Variants in ATL2 observed in about 807,000 individuals in gnomAD.
ATL2 encodes the protein atlastin-2.
In ATL2, 31 loss-of-function variants were observed where a neutral mutation model predicts 73.9. That is an observed-to-expected ratio of 0.42 (90% CI 0.32 to 0.57). The LOEUF (loss-of-function observed/expected upper bound fraction) is 0.57. Ranked by LOEUF, ATL2 falls within the 20% of genes least tolerant of loss-of-function variation. The probability of loss-of-function intolerance (pLI) is 0.14; values close to 1 mark genes in which losing one functional copy is unlikely to be tolerated. For missense variants in ATL2, 738 were observed against 702.6 expected (o/e 1.05, Z -0.57); for synonymous variants, 291 against 237.5 (o/e 1.23, Z -2.07).
intron 2 of ATL2, among the ~76,000 whole-genome samples, chr2:38,323,800 T>A (rs145559691): frequency 6.6e-6 from 1 of 152,226 alleles, no homozygotes; most frequent in African/African-American, 2.4e-5. Flanking sequence ...GTCCTCGACA[T>A]CCTGGGCTCA....
chr2:38,350,439 G>A (rs1204828174), intron 1 of ATL2, among the ~76,000 whole-genome samples: 1 of 152,196 alleles, frequency 6.6e-6, no homozygotes, highest in Non-Finnish European at 1.5e-5. Context: ...ATTGCCAGGG[G>A]TTAGGGGGAT....
chr2:38,355,884 C>A (rs1417267054), intron 1 of ATL2, among the ~76,000 whole-genome samples: 1 of 151,526 alleles, frequency 6.6e-6, no homozygotes, highest in Non-Finnish European at 1.5e-5. Context: ...TTAGTAGAGA[C>A]AGGTTTCACC....
intron 9 of ATL2, among the ~76,000 whole-genome samples, chr2:38,306,276 C>A (rs1402011714): frequency 6.6e-6 from 1 of 152,062 alleles, no homozygotes; most frequent in Non-Finnish European, 1.5e-5. Context: ...AAGAAAAGCC[C>A]GAAAGCTAAT....
intron 2 of ATL2, among the ~76,000 whole-genome samples, chr2:38,333,502 G>C (rs892956371): frequency 6.6e-6 from 1 of 152,150 alleles, no homozygotes; most frequent in African/African-American, 2.4e-5. Flanking sequence ...GTGTTTATGA[G>C]TAACAGTTTG....
At position 38,324,663 on chromosome 2, in the gene ATL2, A is replaced by G. The variant is rs142106350; in HGVS notation, c.364-5644T>C. ...GACTGACCCAAGTCATGAGCCCAGA[A>G]AAAGGACAACTCTAACTACTTAGGT... is the stretch of plus-strand genomic sequence containing the variant. On this transcript the variant is annotated intron_variant, in intron 2 of 12. Transcript: ENST00000378954. Among the ~76,000 whole-genome samples, 1,522 of 152,346 alleles carry G rather than the reference A, an allele frequency of 1.0e-2. 29 individuals carry two copies. Among genetic ancestry groups the G allele is most frequent in the African/African-American group, 0.033 (1,363 of 41,578 alleles).
At chr2:38,357,109 C>T (rs899032543) in intron 1 of ATL2, among the ~76,000 whole-genome samples, 2 of 152,104 alleles carry the variant, frequency 1.3e-5, no homozygotes, top group East Asian at 3.9e-4. Context: ...GCAGGTGGAT[C>T]ATGAGGTCAG....
Position 38,309,402 on chromosome 2 carries a change from T to G in ATL2, c.1048A>C (p.Arg350=), listed in dbSNP as rs1186035026. 6.2e-7 allele frequency: 1 copy of G among 1,610,856 alleles called. No homozygotes were observed. The highest frequency in any genetic ancestry group is 1.3e-5 in the African/African-American group (1 of 74,878). ...KEISGSKVTC[R]DLVEYFKAYI... is the part of the protein sequence containing the mutation. ...ACCTTAAAATATTCTACAAGATCTC[T>G]ACAAGTGACTTTAGATCCACTTATC... Residue 350 remains arginine (R), a synonymous_variant, in exon 9 of 13, where the codon AGA becomes CGA. Coordinates refer to ENST00000378954, the MANE Select transcript of ATL2 (RefSeq NM_001135673.4).
chr2:38,294,038 C>A lies in ATL2; in HGVS notation c.*1956G>T, dbSNP rs1666749418. ...ATTTTTTCATTCATAAAAAACAGTC[C>A]ACAGCATTCATAAAACAGGGTGGCA... is the stretch of plus-strand genomic sequence containing the variant. On this transcript the variant is annotated 3_prime_UTR_variant, in exon 13 of 13. Coordinates refer to ENST00000378954, the MANE Select transcript of ATL2 (RefSeq NM_001135673.4). Among the ~76,000 whole-genome samples the A allele has an allele frequency of 6.6e-6, 1 of 152,110 alleles. No homozygotes were observed. The highest frequency in any genetic ancestry group is 6.5e-5 in the Admixed American group (1 of 15,272).
chr2:38,367,043 G>A (rs368048309), intron 1 of ATL2, among the ~76,000 whole-genome samples: 1 of 151,606 alleles, frequency 6.6e-6, no homozygotes. Flanking sequence ...TCACTATGTC[G>A]CCCAGGCTCA....
chr2:38,349,931 T>C (rs1380698706), intron 1 of ATL2, among the ~76,000 whole-genome samples: 1 of 152,226 alleles, frequency 6.6e-6, no homozygotes, highest in Non-Finnish European at 1.5e-5. Flanking sequence ...CACCTGCATC[T>C]ATCTACTTAC....
At chr2:38,343,212 A>G in intron 2 of ATL2, 56 bp downstream of exon 2, 1 of 1,020,316 alleles carries the variant, frequency 9.8e-7, no homozygotes, top group Non-Finnish European at 1.4e-6. Flanking sequence ...TTTTTTTAAC[A>G]GGCATGGTTG....
Position 38,377,217 on chromosome 2 carries a change from T to G in ATL2, c.44A>C (p.Gln15Pro). The part of the protein sequence containing the change: ...DEAARGQQPH[Q>P]GLWRRRRTSD... ...GGTCCGTCGCCGGCGCCACAGCCCC[T>G]GGTGCGGTTGCTGCCCTCGCGCTGC... The change falls in exon 1 of 13, where the codon CAG (glutamine) becomes CCG (proline). Residue 15 changes from glutamine (Q) to proline (P), a missense_variant. By Grantham distance (76) the Gln-to-Pro change is moderately conservative (BLOSUM62 -1). Transcript: ENST00000378954. 6.2e-7 allele frequency: 1 copy of G among 1,607,534 alleles called. No homozygotes were observed. The highest frequency in any genetic ancestry group is 8.5e-7 in the Non-Finnish European group (1 of 1,177,844).
chr2:38,363,627 T>C (rs775755616), intron 1 of ATL2, among the ~76,000 whole-genome samples: 1 of 152,178 alleles, frequency 6.6e-6, no homozygotes, highest in Non-Finnish European at 1.5e-5. Context: ...TATAAGTAAA[T>C]GTGTAACTCA....
Position 38,316,824 on chromosome 2 carries a change from T to A in ATL2, c.604-1490A>T, listed in dbSNP as rs143005304. Among the ~76,000 whole-genome samples the A allele has an allele frequency of 1.9e-4, 29 of 152,146 alleles. No individual in the cohort carries two copies. The East Asian group carries it at 4.1e-3, about 21-fold the overall frequency. On this transcript the variant is annotated intron_variant, in intron 4 of 12. Coordinates refer to ENST00000378954, the MANE Select transcript of ATL2 (RefSeq NM_001135673.4). ...AAATAAACAAAAAAAGACTAAGGGA[T>A]AAGTTTTAGGACAGAGAACTCGAGA...
intron 2 of ATL2, among the ~76,000 whole-genome samples, chr2:38,329,894 C>T (rs1668882754): frequency 6.6e-6 from 1 of 151,964 alleles, no homozygotes; most frequent in Admixed American, 6.6e-5. Context: ...TTTGGGAGGC[C>T]AAGTCGGGCA....
chr2:38,322,189 T>TC (rs1000990338), intron 2 of ATL2, among the ~76,000 whole-genome samples: 1 of 142,134 alleles, frequency 7.0e-6, no homozygotes, highest in Non-Finnish European at 1.5e-5. Context: ...CCCCACAATG[T>TC]CAAAAAAAAA....
chr2:38,353,610 G>T (rs1392320383), intron 1 of ATL2, among the ~76,000 whole-genome samples: 2 of 152,062 alleles, frequency 1.3e-5, no homozygotes, highest in African/African-American at 4.8e-5. Context: ...CTCCAGTACG[G>T]TAATACAAAG....
At chr2:38,361,774 T>C (rs1671029752) in intron 1 of ATL2, among the ~76,000 whole-genome samples, 1 of 152,238 alleles carries the variant, frequency 6.6e-6, no homozygotes, top group African/African-American at 2.4e-5. Flanking sequence ...CAAGAAAACT[T>C]ACCTTTACTG....
intron 4 of ATL2, among the ~76,000 whole-genome samples, chr2:38,316,563 C>T (rs777621335): frequency 1.6e-5 from 2 of 124,770 alleles, no homozygotes; most frequent in African/African-American, 5.5e-5. Context: ...AAGAAAACTA[C>T]CCCCCCCACC....
Sources: allele counts gnomAD v4.1 joint callset (sites outside exome capture counted in the v4.1 genomes callset), GRCh38; gene constraint gnomAD v4.1.1; transcripts MANE v1.5; gene names NCBI Gene and HGNC (gene_info 2026-07-23, HGNC 2026-07-21).